Variants in RAB8A observed in about 807,000 individuals in gnomAD.
RAB8A encodes ras-related protein Rab-8A.
In RAB8A, 5 loss-of-function variants were observed where a neutral mutation model predicts 29.2. The observed-to-expected ratio is 0.17, with a 90% CI of 0.09 to 0.36. The LOEUF (loss-of-function observed/expected upper bound fraction) is 0.36. RAB8A is among the 10% of genes least tolerant of loss of function. RAB8A has a pLI of 1.00. For missense variants in RAB8A, 171 were observed against 272.2 expected, an observed-to-expected ratio of 0.63 and a Z score of 2.62; for synonymous variants, 108 against 99.9, an observed-to-expected ratio of 1.08 and a Z score of -0.49.
chr19:16,112,100 G>A (rs1293490000), intron 1 of RAB8A, 75 bp downstream of exon 1: 5 of 1,578,216 alleles, frequency 3.2e-6, no homozygotes, highest in South Asian at 2.3e-5. Flanking sequence ...GGGGCTGAGG[G>A]ATCTACAGGG....
chr19:16,130,237 C>A (rs952047567), intron 7 of RAB8A, among the ~76,000 whole-genome samples: 1 of 152,052 alleles, frequency 6.6e-6, no homozygotes, highest in Non-Finnish European at 1.5e-5. Context: ...CAAACACTTC[C>A]CTGTACTTTG....
In RAB8A at chr19:16,118,303, T is replaced by C. The variant is rs1005498649; in HGVS notation, c.185+17T>C. 1.1e-5 allele frequency: 18 copies of C among 1,604,114 alleles called. No homozygotes were observed. The highest frequency in any genetic ancestry group is 1.4e-5 in the Non-Finnish European group (17 of 1,172,914). ...GCAGATATGGTAAGAGTCATTGTTC[T>C]CTGTCATTCTCTCCACCTGGCAATG... is the stretch of plus-strand genomic sequence containing the variant. On this transcript the variant is annotated intron_variant, in intron 2 of 7. Coordinates refer to ENST00000300935, the MANE Select transcript of RAB8A (RefSeq NM_005370.5).
At chr19:16,117,959 G>C (rs2090854055) in intron 1 of RAB8A, among the ~76,000 whole-genome samples, 1 of 152,162 alleles carries the variant, frequency 6.6e-6, no homozygotes, top group Non-Finnish European at 1.5e-5. Context: ...TGGGGAGGCG[G>C]GTTCAGCTGG....
rs1032124758 is a variant in RAB8A at position 16,127,276 on chromosome 19, G to A, written c.325-161G>A. On this transcript the variant is annotated intron_variant, in intron 4 of 7. Transcript: ENST00000300935. This position sits in a 1 kb window ranked among gnomAD's most constrained non-coding sequence, Gnocchi z 4.8. ...GGCATTGGCTGTGTGACATGGGGCC[G>A]GCTGCTTGGCCTCTCTGAGCTTCAG... is the stretch of plus-strand genomic sequence containing the variant. Among the ~76,000 whole-genome samples the A allele has an allele frequency of 3.9e-5, 6 of 152,036 alleles. No individual in the cohort carries two copies. The highest frequency in any genetic ancestry group is 2.0e-4 in the Admixed American group (3 of 15,280).
chr19:16,117,358 A>G (rs775960071), intron 1 of RAB8A, among the ~76,000 whole-genome samples: 22 of 151,956 alleles, frequency 1.4e-4, no homozygotes, highest in Non-Finnish European at 3.1e-4. Context: ...GCATTGTGGC[A>G]GGCACCTGTG....
At chr19:16,128,524 C>T (rs549693906) in intron 6 of RAB8A, among the ~76,000 whole-genome samples, 1 of 152,180 alleles carries the variant, frequency 6.6e-6, no homozygotes, top group African/African-American at 2.4e-5. Context: ...CTCCACGGGG[C>T]GACCCCAGCC....
chr19:16,125,252 G>A lies in RAB8A; in HGVS notation c.247-218G>A, dbSNP rs559775561. On this transcript the variant is annotated intron_variant, in intron 3 of 7. Transcript: ENST00000300935. The surrounding 1 kb of genome is among the most constrained non-coding windows in gnomAD (Gnocchi z 5.0). ...GTCACCTCAGCGGCCCGGGGGGCAG[G>A]ACAAGGCTGGTGCCAGAACCCAGCA... 2 of 597,178 alleles carry A rather than the reference G, an allele frequency of 3.3e-6. No homozygotes were observed. The highest frequency in any genetic ancestry group is 5.6e-5 in the East Asian group (2 of 35,860). The allele number at this position is 597,178 out of a possible 1,614,324, so 37.0% of individuals were successfully genotyped here. A position where few individuals can be genotyped will look rare whatever the true frequency, so the allele number is the denominator to read the frequency against.
At chr19:16,121,209 G>T (rs73928734) in intron 2 of RAB8A, among the ~76,000 whole-genome samples, 2 of 151,762 alleles carry the variant, frequency 1.3e-5, no homozygotes, top group African/African-American at 4.8e-5. Flanking sequence ...GAGCCACTGC[G>T]CCCGGCCAGT....
Position 16,134,044 on chromosome 19 carries a change from C to T in RAB8A, c.*1740C>T, listed in dbSNP as rs1599402042. ...CTATCCAGGGTCCTTCCCAAGACCA[C>T]ACCCAGGTCCAGTCATTCCCTAGGA... On this transcript the variant is annotated 3_prime_UTR_variant, in exon 8 of 8. Coordinates refer to ENST00000300935, the MANE Select transcript of RAB8A (RefSeq NM_005370.5). 1 of 152,332 alleles carries T rather than the reference C, an allele frequency of 6.6e-6. No homozygotes were observed. Among genetic ancestry groups the T allele is most frequent in the Non-Finnish European group, 1.5e-5 (1 of 68,138 alleles). 9.4% of individuals were successfully genotyped at this position (152,332 alleles called of 1,614,324 possible).
In RAB8A at chr19:16,133,793, G is replaced by A. The variant is rs974441266; in HGVS notation, c.*1489G>A. 1 of 152,394 alleles carries A rather than the reference G, an allele frequency of 6.6e-6. No homozygotes were observed. Among genetic ancestry groups the A allele is most frequent in the Admixed American group, 6.5e-5 (1 of 15,270 alleles). The allele number at this position is 152,394 out of a possible 1,614,324, so 9.4% of individuals were successfully genotyped here. On this transcript the variant is annotated 3_prime_UTR_variant, in exon 8 of 8. Coordinates refer to ENST00000300935, the MANE Select transcript of RAB8A (RefSeq NM_005370.5). The stretch of plus-strand genomic sequence containing the variant: ...TCAAAAGACTAAATTGGGAAAAGAA[G>A]CCTCCTGGCTTGGTGCAGTGGCTCA...
chr19:16,132,079 T>C lies in RAB8A; in HGVS notation c.532-133T>C. The C allele has an allele frequency of 1.5e-6, 1 of 685,628 alleles. No individual in the cohort carries two copies. The highest frequency in any genetic ancestry group is 1.8e-5 in the South Asian group (1 of 56,696). 42.5% of individuals were successfully genotyped at this position (685,628 alleles called of 1,614,324 possible). ...GGCTGGTTTGATTGGTTTGGTTGTT[T>C]GGTTGGTTGGTTGGTTGGTTGGTTG... On this transcript the variant is annotated intron_variant, in intron 7 of 7. Coordinates refer to ENST00000300935, the MANE Select transcript of RAB8A (RefSeq NM_005370.5). The surrounding 1 kb of genome is among the most constrained non-coding windows in gnomAD (Gnocchi z 5.6).
intron 7 of RAB8A, 64 bp downstream of exon 7, chr19:16,129,668 G>T: frequency 6.6e-7 from 1 of 1,521,770 alleles, no homozygotes; most frequent in Non-Finnish European, 9.1e-7. Context: ...GTCGTTAGCA[G>T]CAGTGATATG....
At chr19:16,120,101 C>A (rs1368075278) in intron 2 of RAB8A, among the ~76,000 whole-genome samples, 1 of 151,946 alleles carries the variant, frequency 6.6e-6, no homozygotes, top group Non-Finnish European at 1.5e-5. Context: ...GCGTGAGCCA[C>A]CGCACCTGGC....
intron 3 of RAB8A, chr19:16,124,993 TCA>T: frequency 8.8e-5 from 15 of 169,808 alleles, no homozygotes; most frequent in South Asian, 2.9e-4. Flanking sequence ...GGATGTCGGG[TCA>T]GGACTTCCTG....
At chr19:16,119,223 G>A (rs1292798387) in intron 2 of RAB8A, among the ~76,000 whole-genome samples, 1 of 151,126 alleles carries the variant, frequency 6.6e-6, no homozygotes, top group Non-Finnish European at 1.5e-5. Context: ...TTCTTTTTTT[G>A]AGACGGAGTT....
At chr19:16,113,299 C>T (rs1161571437) in intron 1 of RAB8A, among the ~76,000 whole-genome samples, 1 of 152,256 alleles carries the variant, frequency 6.6e-6, no homozygotes, top group Non-Finnish European at 1.5e-5. Context: ...ATGGCCTTTG[C>T]TTTACTGTGT....
Position 16,125,137 on chromosome 19 carries a change from C to T in RAB8A, c.247-333C>T, listed in dbSNP as rs1036720075. On this transcript the variant is annotated intron_variant, in intron 3 of 7. Transcript: ENST00000300935. This position sits in a 1 kb window ranked among gnomAD's most constrained non-coding sequence, Gnocchi z 5.0. Reference sequence around the variant, plus strand: ...AGTGGGCCTGTGGACCGGCTCCCACCGTCAGGCTGCACCACCCCGTGGGCC... The same window carrying T: ...AGTGGGCCTGTGGACCGGCTCCCACTGTCAGGCTGCACCACCCCGTGGGCC... 3 of 424,524 alleles carry T rather than the reference C, an allele frequency of 7.1e-6. No individual in the cohort carries two copies. Among genetic ancestry groups the T allele is most frequent in the South Asian group, 5.0e-5 (2 of 40,042 alleles). 26.3% of individuals were successfully genotyped at this position (424,524 alleles called of 1,614,324 possible).
rs2090943797 is a variant in RAB8A at position 16,134,183 on chromosome 19, G to A, written c.*1879G>A. ...CAGAAGCATCCAGAATCCTCTCACAGTGGGGTCACACACCCCATGCTTAAC... is the reference window on the plus strand; with the variant it reads ...CAGAAGCATCCAGAATCCTCTCACAATGGGGTCACACACCCCATGCTTAAC... On this transcript the variant is annotated 3_prime_UTR_variant, in exon 8 of 8. Transcript: ENST00000300935. 6.6e-6 allele frequency: 1 copy of A among 152,334 alleles called. No homozygotes were observed. The highest frequency in any genetic ancestry group is 2.4e-5 in the African/African-American group (1 of 41,462). The allele number at this position is 152,334 out of a possible 1,614,324, so 9.4% of individuals were successfully genotyped here. A position where few individuals can be genotyped will look rare whatever the true frequency, so the allele number is the denominator to read the frequency against.
At position 16,125,615 on chromosome 19, in the gene RAB8A, A is replaced by G. The variant is rs1221565169; in HGVS notation, c.324+68A>G. ...TGTCCCAGAGCCCTCTGGTTTACTC[A>G]TGAGAAGGCCAAGGTGCAGAGACAC... is the stretch of plus-strand genomic sequence containing the variant. On this transcript the variant is annotated intron_variant, in intron 4 of 7. Transcript: ENST00000300935. The surrounding 1 kb of genome is among the most constrained non-coding windows in gnomAD (Gnocchi z 5.0). 2 of 1,448,684 alleles carry G rather than the reference A, an allele frequency of 1.4e-6. No homozygotes were observed. The highest frequency in any genetic ancestry group is 1.8e-5 in the Admixed American group (1 of 55,210). 89.7% of individuals were successfully genotyped at this position (1,448,684 alleles called of 1,614,324 possible).
Sources: gnomAD v4.1 joint callset for allele counts (sites outside exome capture counted in the v4.1 genomes callset) on GRCh38, gnomAD v4.1.1 for gene constraint, Gnocchi (gnomAD v3.1) non-coding constraint, MANE v1.5 for transcripts, NCBI Gene and HGNC (gene_info 2026-07-23, HGNC 2026-07-21) for gene names.